Variants in CUX1 observed in about 807,000 individuals in gnomAD.
The protein encoded by CUX1 is protein CASP.
A neutral mutation model predicts 158.8 loss-of-function variants in CUX1; 31 were observed. That is an observed-to-expected ratio of 0.20 (90% confidence interval 0.15 to 0.26). The LOEUF is 0.26. Ranked by LOEUF, CUX1 falls within the 10% of genes least tolerant of loss-of-function variation. CUX1 has a pLI of 1.00. For synonymous variants in CUX1, 879 were observed against 862.1 expected (o/e 1.02, Z -0.34); for missense variants, 1,589 against 2,014.6 (o/e 0.79, Z 4.04).
upstream of CUX1, chr7:101,816,025 C>A (rs1359061301): frequency 1.5e-5 from 21 of 1,426,596 alleles, no homozygotes; most frequent in Non-Finnish European, 2.0e-5. Flanking sequence ...CTCAATATGT[C>A]TCAAGATGGC....
intron 2 of CUX1, among the ~76,000 whole-genome samples, chr7:101,974,081 T>C (rs984654691): frequency 1.3e-5 from 2 of 151,882 alleles, no homozygotes; most frequent in Non-Finnish European, 2.9e-5. Context: ...ATTCTTTTTT[T>C]TTTTTTTGAG....
chr7:101,816,808 C>G (rs1045562936), upstream of CUX1: 1 of 354,784 alleles, frequency 2.8e-6, no homozygotes, highest in Non-Finnish European at 3.8e-6. Flanking sequence ...GGCGGGTGGC[C>G]GGGCAGGCGC....
chr7:102,225,748 G>A (rs1798280819), intron 20 of CUX1, among the ~76,000 whole-genome samples: 1 of 152,232 alleles, frequency 6.6e-6, no homozygotes, highest in Non-Finnish European at 1.5e-5. Context: ...CCAGCTACTT[G>A]CAAGGCTGAG....
chr7:102,045,666 T>G (rs1822683354), intron 3 of CUX1, among the ~76,000 whole-genome samples: 1 of 152,296 alleles, frequency 6.6e-6, no homozygotes, highest in Non-Finnish European at 1.5e-5. Flanking sequence ...GGCAAATTGA[T>G]TTCGGCCCAG....
intron 7 of CUX1, among the ~76,000 whole-genome samples, 173 bp from the exon 8 acceptor site, chr7:102,115,034 C>G (rs555952167): frequency 1.6e-4 from 25 of 152,122 alleles, no homozygotes; most frequent in African/African-American, 5.1e-4. Flanking sequence ...ATTTCCTATT[C>G]CATTTTTTGT....
chr7:102,205,447 G>A lies in CUX1; in HGVS notation c.3130+277G>A, dbSNP rs556052679. 5.3e-5 allele frequency among the ~76,000 whole-genome samples: 8 copies of A among 152,250 alleles called. No homozygotes were observed. The South Asian group carries it at 1.2e-3, about 24-fold the overall frequency. ...TGTGTTCAGGGCTGGGGTCTAAGTC[G>A]GAGACAGATTCCCCACTCAGGGGGC... On this transcript the variant is annotated intron_variant, in intron 20 of 23. Transcript: ENST00000292535.
intron 18 of CUX1, among the ~76,000 whole-genome samples, chr7:102,203,702 A>G (rs1376137986): frequency 2.6e-5 from 4 of 152,044 alleles, no homozygotes; most frequent in African/African-American, 9.7e-5. Flanking sequence ...CAGCCCCTAA[A>G]TATCCCAGGG....
At chr7:101,954,586 A>T (rs1018491783) in intron 2 of CUX1, among the ~76,000 whole-genome samples, 2 of 151,526 alleles carry the variant, frequency 1.3e-5, no homozygotes, top group African/African-American at 4.9e-5. Context: ...AGGCAGGCAG[A>T]TCACTTGAGT....
At chr7:101,887,278 T>C (rs937796675) in intron 1 of CUX1, among the ~76,000 whole-genome samples, 1 of 152,194 alleles carries the variant, frequency 6.6e-6, no homozygotes, top group Non-Finnish European at 1.5e-5. Flanking sequence ...TTCTCTGTTA[T>C]CTGTTTTTCT....
downstream of CUX1, among the ~76,000 whole-genome samples, chr7:102,261,081 A>G (rs1790370114): frequency 1.3e-5 from 2 of 152,266 alleles, no homozygotes; most frequent in South Asian, 4.1e-4. Flanking sequence ...CAACCGACTC[A>G]TGCAGTGTGG....
intron 8 of CUX1, among the ~76,000 whole-genome samples, chr7:102,131,123 A>AG (rs1563286651): frequency 6.6e-6 from 1 of 152,064 alleles, no homozygotes; most frequent in East Asian, 1.9e-4. Flanking sequence ...AAAAAAAAAA[A>AG]AAACTCTCCA....
intron 15 of CUX1, 41 bp from the exon 16 acceptor site, chr7:102,198,760 TC>T: frequency 1.3e-6 from 2 of 1,564,574 alleles, no homozygotes; most frequent in Non-Finnish European, 1.8e-6. Flanking sequence ...ACACCACCAT[TC>T]CCCTGATTGT....
At chr7:102,122,410 C>G (rs1381523751) in intron 8 of CUX1, among the ~76,000 whole-genome samples, 2 of 149,624 alleles carry the variant, frequency 1.3e-5, no homozygotes, top group African/African-American at 4.9e-5. Context: ...CTTCCTGTGT[C>G]TTATCTCCAA....
chr7:102,010,186 G>A (rs779441851), intron 2 of CUX1, among the ~76,000 whole-genome samples: 8 of 151,994 alleles, frequency 5.3e-5, no homozygotes, highest in Non-Finnish European at 1.2e-4. Flanking sequence ...CTGAGGTCAG[G>A]AGTTCGAGAC....
intron 16 of CUX1, among the ~76,000 whole-genome samples, chr7:102,199,771 A>G (rs782067526): frequency 6.6e-6 from 1 of 152,172 alleles, no homozygotes; most frequent in South Asian, 2.1e-4. Flanking sequence ...TTGCCTTTTA[A>G]TCACTCGCCT....
At chr7:102,142,467 T>C (rs1834563375) in intron 8 of CUX1, among the ~76,000 whole-genome samples, 1 of 152,056 alleles carries the variant, frequency 6.6e-6, no homozygotes, top group Admixed American at 6.6e-5. Flanking sequence ...CCTTTAAAAG[T>C]CTGAAACTAG....
chr7:101,905,971 C>T (rs889166427), intron 1 of CUX1, among the ~76,000 whole-genome samples: 7 of 151,726 alleles, frequency 4.6e-5, no homozygotes, highest in South Asian at 2.1e-4. Flanking sequence ...TACAGGTGTG[C>T]GCCACCATGC....
chr7:101,822,805 G>A (rs1792817238), intron 1 of CUX1, among the ~76,000 whole-genome samples: 1 of 151,854 alleles, frequency 6.6e-6, no homozygotes, highest in African/African-American at 2.4e-5. Flanking sequence ...GCAGGCTGAG[G>A]CATGAGAATT....
At position 102,255,579 on chromosome 7, in the gene CUX1, C is replaced by T. The variant is rs147737387; in HGVS notation, c.*6537C>T. 1.9e-4 allele frequency: 186 copies of T among 985,258 alleles called. No homozygotes were observed. In the African/African-American group the frequency reaches 3.0e-3, roughly 16 times the overall value. 61.0% of individuals were successfully genotyped at this position (985,258 alleles called of 1,614,324 possible). A position where few individuals can be genotyped will look rare whatever the true frequency, so the allele number is the denominator to read the frequency against. ...GTTACTGTAATTTCTGTAGTGTTTACGCTTTAATTTCTACCACAAAATATG... is the reference window on the plus strand; with the variant it reads ...GTTACTGTAATTTCTGTAGTGTTTATGCTTTAATTTCTACCACAAAATATG... On this transcript the variant is annotated 3_prime_UTR_variant, in exon 24 of 24. Transcript: ENST00000292535.
Sources: allele counts gnomAD v4.1 joint callset (sites outside exome capture counted in the v4.1 genomes callset), GRCh38; gene constraint gnomAD v4.1.1; transcripts MANE v1.5; gene names NCBI Gene and HGNC (gene_info 2026-07-23, HGNC 2026-07-21).